Variants in PLEKHA5 observed in about 807,000 individuals in gnomAD.
PLEKHA5 encodes the protein pleckstrin homology domain-containing family A member 5.
PLEKHA5 carries 55 observed loss-of-function variants against 181.9 expected under a neutral mutation model. The ratio of observed to expected loss-of-function variants is 0.30; its 90% confidence interval spans 0.24 to 0.38. PLEKHA5 has a LOEUF of 0.38. Among genes scored for constraint, PLEKHA5 ranks in the 10% least tolerant of loss-of-function variants. PLEKHA5 has a pLI of 1.00. For synonymous variants in PLEKHA5, 535 were observed against 529.4 expected (o/e 1.01, Z -0.15); for missense variants, 1,432 against 1,549.5 (o/e 0.92, Z 1.27).
intron 3 of PLEKHA5, among the ~76,000 whole-genome samples, chr12:19,213,215 G>A (rs1005262635): frequency 6.6e-6 from 1 of 152,058 alleles, no homozygotes; most frequent in Non-Finnish European, 1.5e-5. Context: ...TCTGCCCAAG[G>A]ATATGAGGGT....
intron 3 of PLEKHA5, among the ~76,000 whole-genome samples, chr12:19,162,936 T>G (rs1030331879): frequency 2.6e-5 from 4 of 152,184 alleles, no homozygotes; most frequent in Non-Finnish European, 5.9e-5. Context: ...GACTCTAGAC[T>G]AGTCTAGTGT....
intron 20 of PLEKHA5, among the ~76,000 whole-genome samples, chr12:19,323,651 T>C (rs1456213533): frequency 6.6e-6 from 1 of 151,702 alleles, no homozygotes; most frequent in Non-Finnish European, 1.5e-5. Context: ...ACCTCGTCTC[T>C]ACCAAAATAC....
chr12:19,184,272 A>G (rs945054880), intron 3 of PLEKHA5, among the ~76,000 whole-genome samples: 2 of 152,206 alleles, frequency 1.3e-5, no homozygotes, highest in Middle Eastern at 3.4e-3. Context: ...CCTAGACCTT[A>G]TTTATCAAGC....
chr12:19,176,211 C>T (rs962532694), intron 3 of PLEKHA5: 6 of 147,376 alleles, frequency 4.1e-5, no homozygotes, highest in Admixed American at 6.8e-5. Flanking sequence ...CCACCTTCCT[C>T]CCTCCCTCTG....
intron 15 of PLEKHA5, among the ~76,000 whole-genome samples, chr12:19,300,863 G>T (rs930184727): frequency 6.6e-6 from 1 of 151,500 alleles, no homozygotes; most frequent in Non-Finnish European, 1.5e-5. Context: ...GGACGGGTGC[G>T]GTGGCTCACA....
At chr12:19,198,644 T>C (rs2053499508) in intron 3 of PLEKHA5, among the ~76,000 whole-genome samples, 1 of 152,182 alleles carries the variant, frequency 6.6e-6, no homozygotes, top group South Asian at 2.1e-4. Context: ...AGTAGATATT[T>C]GTGGAATGAA....
intron 26 of PLEKHA5, among the ~76,000 whole-genome samples, chr12:19,356,606 A>G: frequency 6.6e-6 from 1 of 151,202 alleles, no homozygotes; most frequent in South Asian, 2.1e-4. Context: ...CATCATAAAG[A>G]TCTTCATCCT....
chr12:19,181,245 T>C (rs2048492976), intron 3 of PLEKHA5, among the ~76,000 whole-genome samples: 1 of 152,166 alleles, frequency 6.6e-6, no homozygotes, highest in South Asian at 2.1e-4. Context: ...GGAACTTAAA[T>C]TTAGCACTAA....
At position 19,358,331 on chromosome 12, in the gene PLEKHA5, C is replaced by T. The variant is rs752012127; in HGVS notation, c.3242C>T (p.Ala1081Val). The T allele has an allele frequency of 6.2e-6, 10 of 1,613,394 alleles. No homozygotes were observed. The highest frequency in any genetic ancestry group is 1.7e-4 in the Middle Eastern group (1 of 6,060). ...GAAAGAATAAGAAGACATCAACAAG[C>T]GTGCCTGAGGGAGAAGAAAAAAGGG... ...QMERIRRHQQ[A>V]CLREKKKGLN... Residue 1081 changes from alanine (A) to valine (V), a missense_variant, in exon 27 of 32, where the codon GCG becomes GTG. Physicochemically the swap from Ala to Val is moderately conservative, Grantham distance 64 (BLOSUM62 0). Transcript: ENST00000429027.
intron 15 of PLEKHA5, among the ~76,000 whole-genome samples, chr12:19,313,858 A>T (rs964491278): frequency 4.6e-5 from 7 of 152,252 alleles, no homozygotes; most frequent in Middle Eastern, 6.8e-3. Flanking sequence ...GTTTTTTCTT[A>T]CATTATATTA....
intron 6 of PLEKHA5, among the ~76,000 whole-genome samples, chr12:19,259,742 C>T (rs1367410431): frequency 1.4e-5 from 2 of 146,084 alleles, no homozygotes; most frequent in Non-Finnish European, 3.0e-5. Flanking sequence ...CAGTGTGAGA[C>T]TGTCTCGGAA....
At chr12:19,156,849 A>G (rs893430732) in intron 3 of PLEKHA5, among the ~76,000 whole-genome samples, 2 of 151,050 alleles carry the variant, frequency 1.3e-5, no homozygotes, top group African/African-American at 4.9e-5. Flanking sequence ...GTTAGAGACC[A>G]GCCTGGCCAA....
chr12:19,341,488 T>C (rs1262575219), intron 21 of PLEKHA5, among the ~76,000 whole-genome samples: 1 of 152,114 alleles, frequency 6.6e-6, no homozygotes, highest in Non-Finnish European at 1.5e-5. Flanking sequence ...CCATCCTCTG[T>C]GTCAGTATTT....
intron 3 of PLEKHA5, among the ~76,000 whole-genome samples, chr12:19,139,964 A>G (rs2036793652): frequency 3.3e-5 from 5 of 152,230 alleles, no homozygotes; most frequent in Admixed American, 2.6e-4. Flanking sequence ...GCTGCTCTTT[A>G]TCATCCAATA....
chr12:19,286,389 C>T (rs535704635), intron 12 of PLEKHA5, among the ~76,000 whole-genome samples: 2 of 152,228 alleles, frequency 1.3e-5, no homozygotes, highest in African/African-American at 4.8e-5. Flanking sequence ...TGAGCTATAG[C>T]GCAGTGTCAA....
intron 5 of PLEKHA5, among the ~76,000 whole-genome samples, chr12:19,256,023 A>T (rs1194344032): frequency 6.6e-6 from 1 of 152,108 alleles, no homozygotes; most frequent in Non-Finnish European, 1.5e-5. Flanking sequence ...TAATTCATAT[A>T]ACAATTAAAG....
At chr12:19,271,254 T>G (rs947245721) in intron 10 of PLEKHA5, among the ~76,000 whole-genome samples, 3 of 152,214 alleles carry the variant, frequency 2.0e-5, no homozygotes, top group African/African-American at 7.2e-5. Context: ...CTCACACCTG[T>G]AATTCTAGCA....
chr12:19,150,536 A>G (rs1275430234), intron 3 of PLEKHA5: 3 of 152,250 alleles, frequency 2.0e-5, no homozygotes, highest in Non-Finnish European at 2.9e-5. Context: ...GAGCCTCACA[A>G]GAGTGGGGAC....
intron 3 of PLEKHA5, among the ~76,000 whole-genome samples, chr12:19,242,770 G>T (rs1190897970): frequency 6.6e-6 from 1 of 152,090 alleles, no homozygotes; most frequent in African/African-American, 2.4e-5. Flanking sequence ...TCTCACTGGG[G>T]TTTAAGTCAT....
Sources: gnomAD v4.1 joint callset for allele counts (sites outside exome capture counted in the v4.1 genomes callset) on GRCh38, gnomAD v4.1.1 for gene constraint, MANE v1.5 for transcripts, NCBI Gene and HGNC (gene_info 2026-07-23, HGNC 2026-07-21) for gene names.